AMZ2: variants seen among roughly 807,000 people sequenced by gnomAD.
The protein encoded by AMZ2 is archaelysin family metallopeptidase 2.
Under a neutral mutation model 36.7 loss-of-function variants are expected in AMZ2, and 26 were observed. The observed-to-expected ratio is 0.71, with a 90% CI of 0.52 to 0.98. The LOEUF (loss-of-function observed/expected upper bound fraction) is 0.98. AMZ2 is among the 50% of genes least tolerant of loss of function. The pLI is 0.00. For missense variants in AMZ2, 394 were observed against 430.5 expected (o/e 0.92, Z 0.75); for synonymous variants, 144 against 149.1 (o/e 0.97, Z 0.25).
At chr17:68,216,759 G>A (rs1447478188) in intron 1 of AMZ2, among the ~76,000 whole-genome samples, 4 of 152,122 alleles carry the variant, frequency 2.6e-5, no homozygotes, top group African/African-American at 9.7e-5. Context: ...GGCCGGGCAC[G>A]GTGGCTCACG....
intron 1 of AMZ2, 193 bp downstream of exon 1, chr17:68,248,898 C>T: frequency 3.0e-6 from 2 of 656,426 alleles, no homozygotes. Flanking sequence ...CAGACATTAG[C>T]TTAAGTTTTC....
chr17:68,211,816 A>G (rs571760084), intron 1 of AMZ2, among the ~76,000 whole-genome samples: 2 of 95,350 alleles, frequency 2.1e-5, no homozygotes, highest in African/African-American at 3.4e-5. Flanking sequence ...GTATATATGT[A>G]TGTGTATGTA....
At position 68,250,343 on chromosome 17, in the gene AMZ2, C is replaced by T. The variant is rs1555738637; in HGVS notation, c.156C>T (p.Thr52=). 4 of 1,614,188 alleles carry T rather than the reference C, an allele frequency of 2.5e-6. No individual in the cohort carries two copies. Among genetic ancestry groups the T allele is most frequent in the Admixed American group, 3.3e-5 (2 of 60,024 alleles). ...CCAGTGATCTCTTTGGACCCATTAC[C>T]TTGCATTCTCCATCAGATTGGATCA... ...QPASDLFGPI[T]LHSPSDWITS... Residue 52 remains threonine (T), a synonymous_variant, in exon 2 of 7, where the codon ACC becomes ACT. Transcript: ENST00000359904.
intron 1 of AMZ2, among the ~76,000 whole-genome samples, chr17:68,223,884 T>TTATA (rs1555729158): frequency 1.2e-5 from 1 of 86,656 alleles, no homozygotes; most frequent in Non-Finnish European, 2.3e-5. Context: ...CCCAGCTAAT[T>TTATA]TATATATATA....
chr17:68,235,222 A>C lies in AMZ2; in HGVS notation c.-66-13418A>C, dbSNP rs1480278572. On this transcript the variant is annotated intron_variant, in intron 1 of 7. Coordinates refer to the AMZ2 transcript ENST00000674770. This position sits in a 1 kb window ranked among gnomAD's most constrained non-coding sequence, Gnocchi z 4.2. The stretch of plus-strand genomic sequence containing the variant: ...TTGTCTCCAGCGCTGGTTTCTTAGC[A>C]AAAAAACAACTTGTTAAATGTCAGG... 3.3e-5 allele frequency among the ~76,000 whole-genome samples: 5 copies of C among 151,930 alleles called. No homozygotes were observed. Among genetic ancestry groups the C allele is most frequent in the Non-Finnish European group, 7.4e-5 (5 of 67,962 alleles).
chr17:68,214,788 A>ATT (rs35185659), intron 1 of AMZ2, among the ~76,000 whole-genome samples: 204 of 147,398 alleles, frequency 1.4e-3, no homozygotes, highest in African/African-American at 2.9e-3. Flanking sequence ...GTCTTTAACA[A>ATT]TTTTTTTTTT....
At chr17:68,247,591 T>C, upstream of AMZ2, 1 of 972,828 alleles carries the variant, frequency 1.0e-6, no homozygotes. Context: ...GAAGGGAAAG[T>C]GCTGAGGGTG....
chr17:68,210,439 C>T (rs1386010425), intron 1 of AMZ2, among the ~76,000 whole-genome samples: 1 of 152,118 alleles, frequency 6.6e-6, no homozygotes, highest in Non-Finnish European at 1.5e-5. Flanking sequence ...CACCAAAGGA[C>T]AAATACTGTG....
chr17:68,209,632 A>ATATATATATATGTATATATATAT, intron 1 of AMZ2, among the ~76,000 whole-genome samples: 2 of 90,690 alleles, frequency 2.2e-5, no homozygotes, highest in Admixed American at 1.2e-4. Context: ...ATATATATAT[A>ATATATATATATGTATATATATAT]TTTTTTTTTT....
chr17:68,211,666 A>G (rs62087073), intron 1 of AMZ2, among the ~76,000 whole-genome samples: 31,462 of 143,752 alleles, frequency 0.22, 4,036 homozygotes, highest in South Asian at 0.28. Context: ...AGTGGTATGA[A>G]GAATTGGGAA....
At chr17:68,240,303 C>T (rs1171753430) in intron 1 of AMZ2, among the ~76,000 whole-genome samples, 2 of 152,156 alleles carry the variant, frequency 1.3e-5, no homozygotes, top group East Asian at 3.8e-4. Context: ...GGGGTAAGGT[C>T]TCAACATATA....
At chr17:68,214,441 G>A (rs2073144418) in intron 1 of AMZ2, among the ~76,000 whole-genome samples, 2 of 152,106 alleles carry the variant, frequency 1.3e-5, no homozygotes, top group Admixed American at 6.6e-5. Context: ...TATGTATATC[G>A]TCACTTAAAT....
At chr17:68,234,239 A>G (rs2073735524) in intron 1 of AMZ2, among the ~76,000 whole-genome samples, 1 of 151,842 alleles carries the variant, frequency 6.6e-6, no homozygotes, top group Non-Finnish European at 1.5e-5. Context: ...ACTGGAGTCC[A>G]GGAGCTCAAG....
intron 1 of AMZ2, among the ~76,000 whole-genome samples, chr17:68,237,969 G>T (rs1204448033): frequency 1.3e-5 from 2 of 152,190 alleles, no homozygotes; most frequent in Non-Finnish European, 2.9e-5. Context: ...TTTACGTTTG[G>T]TTGGTGCTGA....
chr17:68,222,944 G>A (rs1470442864), intron 1 of AMZ2, among the ~76,000 whole-genome samples: 1 of 152,028 alleles, frequency 6.6e-6, no homozygotes, highest in Admixed American at 6.6e-5. Flanking sequence ...CCTAGAGTCA[G>A]GAGAGAAGTG....
chr17:68,249,010 G>T, intron 1 of AMZ2: 1 of 1,080,044 alleles, frequency 9.3e-7, no homozygotes, highest in Non-Finnish European at 1.2e-6. Context: ...AATTCAAAAA[G>T]CCTCGTGGTG....
chr17:68,218,300 G>T (rs2073254362), intron 1 of AMZ2, among the ~76,000 whole-genome samples: 1 of 152,108 alleles, frequency 6.6e-6, no homozygotes. Flanking sequence ...GATAAGATTA[G>T]CATGTTTTTC....
At chr17:68,209,704 C>G (rs1325978724) in intron 1 of AMZ2, among the ~76,000 whole-genome samples, 1 of 148,018 alleles carries the variant, frequency 6.8e-6, no homozygotes, top group African/African-American at 2.5e-5. Context: ...TCATGGCAAC[C>G]TCCACCTCCC....
chr17:68,207,315 C>CCG (rs111875789), intron 1 of AMZ2: 3 of 124,310 alleles, frequency 2.4e-5, no homozygotes, highest in Non-Finnish European at 3.4e-5. Flanking sequence ...TGTTAAATAC[C>CCG]CCCCCCCCAC....
Sources: allele counts gnomAD v4.1 joint callset (sites outside exome capture counted in the v4.1 genomes callset), GRCh38; gene constraint gnomAD v4.1.1; non-coding constraint Gnocchi (gnomAD v3.1); transcripts MANE v1.5; gene names NCBI Gene and HGNC (gene_info 2026-07-23, HGNC 2026-07-21).